Variants in NID2 observed in about 807,000 individuals in gnomAD.
NID2 encodes the protein nidogen-2.
In NID2, 83 loss-of-function variants were observed where a neutral mutation model predicts 145.4. The ratio of observed to expected loss-of-function variants is 0.57; its 90% CI spans 0.48 to 0.69. The LOEUF is 0.69. Among genes scored for constraint, NID2 ranks in the 30% least tolerant of loss-of-function variants. The probability of loss-of-function intolerance (pLI) is 0.00; values close to 1 mark genes in which losing one functional copy is unlikely to be tolerated. For synonymous variants in NID2, 739 were observed against 701.3 expected, an observed-to-expected ratio of 1.05 and a Z score of -0.85; for missense variants, 1,807 against 1,765.7, an observed-to-expected ratio of 1.02 and a Z score of -0.42.
intron 20 of NID2, 45 bp from the exon 21 acceptor site, chr14:52,005,894 A>G: frequency 7.2e-7 from 1 of 1,397,002 alleles, no homozygotes; most frequent in Non-Finnish European, 1.0e-6. Flanking sequence ...GTCATTTACT[A>G]GATAAAGAAG....
In NID2 at chr14:52,038,971, G is replaced by A. The variant is rs537115352; in HGVS notation, c.2033C>T (p.Thr678Ile). 4 of 1,604,522 alleles carry A rather than the reference G, an allele frequency of 2.5e-6. No individual in the cohort carries two copies. The highest frequency in any genetic ancestry group is 3.4e-6 in the Non-Finnish European group (4 of 1,175,398). Residue 678 changes from threonine to isoleucine, a missense_variant, in exon 9 of 22, where the codon ACC becomes ATC. Transcript: ENST00000216286. ...AGAGTAGTCTCTGGAACTTGTAGAG[G>A]TCACAGCTGCAACAAACACAGTGGT... ...ELYHYSDSTV[T>I]STSSRDYSLT...
intron 7 of NID2, among the ~76,000 whole-genome samples, 194 bp downstream of exon 7, chr14:52,041,911 C>A (rs546075802): frequency 6.6e-6 from 1 of 152,370 alleles, no homozygotes; most frequent in Admixed American, 6.5e-5. Flanking sequence ...GACGAAATCA[C>A]TGCCTTTCAA....
At chr14:52,052,505 C>T (rs901776436) in intron 5 of NID2, among the ~76,000 whole-genome samples, 2 of 152,212 alleles carry the variant, frequency 1.3e-5, no homozygotes, top group African/African-American at 4.8e-5. Context: ...GCAAGCTTGG[C>T]AGCCAGGATT....
intron 14 of NID2, among the ~76,000 whole-genome samples, chr14:52,016,518 C>T (rs1024410840): frequency 2.6e-5 from 4 of 152,128 alleles, no homozygotes; most frequent in Admixed American, 2.6e-4. Context: ...TTTCTCTCAC[C>T]ATCCACATTT....
At chr14:52,022,416 T>C (rs1891433932) in intron 12 of NID2, among the ~76,000 whole-genome samples, 1 of 152,122 alleles carries the variant, frequency 6.6e-6, no homozygotes, top group African/African-American at 2.4e-5. Context: ...TCTCACACCA[T>C]GATAGAGACT....
Position 52,060,260 on chromosome 14 carries a change from G to C in NID2, c.631C>G (p.Pro211Ala). Reference protein sequence around the residue: ...ANGLQFLGTRPKESYNVQLQL... With the variant: ...ANGLQFLGTRAKESYNVQLQL... ...AGCTGGACATTGTAAGACTCTTTGGGGCGGGTTCCAAGGAACTGCAGGCCG... is the reference window on the plus strand; with the variant it reads ...AGCTGGACATTGTAAGACTCTTTGGCGCGGGTTCCAAGGAACTGCAGGCCG... The change falls in exon 3 of 22, where the codon CCC becomes GCC. Residue 211 changes from proline (P) to alanine (A), a missense_variant. Transcript: ENST00000216286. 6.2e-7 allele frequency: 1 copy of C among 1,613,806 alleles called. No homozygotes were observed. The highest frequency in any genetic ancestry group is 8.5e-7 in the Non-Finnish European group (1 of 1,179,920).
At chr14:52,042,424 C>G in intron 6 of NID2, 74 bp from the exon 7 acceptor site, 1 of 1,488,392 alleles carries the variant, frequency 6.7e-7, no homozygotes, top group Non-Finnish European at 9.0e-7. Context: ...TATAATTATT[C>G]CACTGACAAC....
intron 16 of NID2, among the ~76,000 whole-genome samples, chr14:52,013,852 TGACTTCCACTTG>T (rs1891116732): frequency 6.6e-6 from 1 of 152,202 alleles, no homozygotes; most frequent in African/African-American, 2.4e-5. Flanking sequence ...AGTCATTAAC[TGACTTCCACTTG>T]GAGTCCCCAA....
chr14:52,060,364 G>GAAA lies in NID2; in HGVS notation c.535-11_535-9dup, dbSNP rs71121681. On this transcript the variant is annotated splice_polypyrimidine_tract_variant and intron_variant, in intron 2 of 21. Coordinates refer to ENST00000216286, the MANE Select transcript of NID2 (RefSeq NM_007361.4). ...TGCCTGGAAAGTGTTCAGCTGTGAG[G>GAAA]AAAAAAAAAAAAAAAGAGAGAGAGA... The GAAA allele has an allele frequency of 3.8e-4, 285 of 742,894 alleles. No individual in the cohort carries two copies. The highest frequency in any genetic ancestry group is 9.1e-4 in the South Asian group (19 of 20,880). 46.0% of individuals were successfully genotyped at this position (742,894 alleles called of 1,614,324 possible). A position where few individuals can be genotyped will look rare whatever the true frequency, so the allele number is the denominator to read the frequency against.
intron 19 of NID2, 52 bp downstream of exon 19, chr14:52,007,758 C>G: frequency 1.4e-6 from 2 of 1,474,536 alleles, no homozygotes; most frequent in Non-Finnish European, 1.9e-6. Context: ...TGTTAGTGCT[C>G]ACATTCACTG....
intron 17 of NID2, 43 bp from the exon 18 acceptor site, chr14:52,011,090 T>C (rs547302454): frequency 1.3e-6 from 2 of 1,595,480 alleles, no homozygotes; most frequent in African/African-American, 2.7e-5. Context: ...TTGCAGGATA[T>C]GGAGGGCAAA....
intron 15 of NID2, 53 bp from the exon 16 acceptor site, chr14:52,014,509 A>T: frequency 1.3e-6 from 2 of 1,539,886 alleles, no homozygotes; most frequent in Non-Finnish European, 1.8e-6. Context: ...AGGCAGGGAG[A>T]TGGGAAGAAA....
intron 5 of NID2, among the ~76,000 whole-genome samples, chr14:52,043,398 A>T (rs1425048035): frequency 6.6e-6 from 1 of 152,232 alleles, no homozygotes; most frequent in African/African-American, 2.4e-5. Flanking sequence ...AAAAGATAAT[A>T]GCTGGTCTCG....
chr14:52,045,969 G>A (rs548387429), intron 5 of NID2, among the ~76,000 whole-genome samples: 8 of 152,218 alleles, frequency 5.3e-5, no homozygotes, highest in East Asian at 1.9e-4. Context: ...GCCAGAAGTC[G>A]CATTTCTTCT....
intron 11 of NID2, among the ~76,000 whole-genome samples, chr14:52,028,281 TTTTG>T (rs1891664887): frequency 1.3e-5 from 1 of 77,992 alleles, no homozygotes; most frequent in East Asian, 2.5e-4. Context: ...TTGTTTTTTT[TTTTG>T]TTTTTTTGAG....
At chr14:52,020,244 G>T in intron 12 of NID2, 66 bp from the exon 13 acceptor site, 1 of 1,597,716 alleles carries the variant, frequency 6.3e-7, no homozygotes, top group South Asian at 1.1e-5. Context: ...CAATCTGTGC[G>T]ACTGCATGGG....
At chr14:52,048,042 A>G (rs889491672) in intron 5 of NID2, among the ~76,000 whole-genome samples, 1 of 152,218 alleles carries the variant, frequency 6.6e-6, no homozygotes, top group Non-Finnish European at 1.5e-5. Context: ...ATTGGTGTTG[A>G]TAGAAGGCTT....
rs376744041 is a variant in NID2, at chr14:52,042,560, T to A, written c.1580-210A>T. 3.9e-5 allele frequency among the ~76,000 whole-genome samples: 6 copies of A among 152,174 alleles called. No individual in the cohort carries two copies. The East Asian group carries it at 7.7e-4, about 19-fold the overall frequency. On this transcript the variant is annotated intron_variant, in intron 6 of 21. Transcript: ENST00000216286. The stretch of plus-strand genomic sequence containing the variant: ...TCCTTCTACTCCACTACACTTTGGC[T>A]CTAATGAGCTGGCAGAAGGAAGCAT...
chr14:52,039,011 A>G, intron 8 of NID2, 34 bp from the exon 9 acceptor site: 3 of 1,439,966 alleles, frequency 2.1e-6, no homozygotes, highest in Non-Finnish European at 2.9e-6. Context: ...TTTTAAAAAT[A>G]TTAAATACAG....
Sources: gnomAD v4.1 joint callset for allele counts (sites outside exome capture counted in the v4.1 genomes callset) on GRCh38, gnomAD v4.1.1 for gene constraint, MANE v1.5 for transcripts, NCBI Gene and HGNC (gene_info 2026-07-23, HGNC 2026-07-21) for gene names.